The following NAGPA variants were observed in gnomAD, a reference collection of about 807,000 sequenced individuals.
NAGPA encodes alpha-N-acetylglucosaminyl phosphodiesterase.
Under a neutral mutation model 48.5 loss-of-function variants are expected in NAGPA, and 56 were observed. The ratio of observed to expected loss-of-function variants is 1.15; its 90% CI spans 0.93 to 1.44. The LOEUF (loss-of-function observed/expected upper bound fraction) is 1.44, where lower values mean the gene tolerates loss of function less well. Among genes scored for constraint, NAGPA ranks in the 40% most tolerant of loss-of-function variants. NAGPA has a pLI of 0.00. For synonymous variants in NAGPA, 399 were observed against 315.5 expected, an observed-to-expected ratio of 1.26 and a Z score of -2.81; for missense variants, 888 against 735.0, an observed-to-expected ratio of 1.21 and a Z score of -2.41.
Position 5,030,431 on chromosome 16 carries a change from C to T in NAGPA, c.745G>A (p.Gly249Arg). 1 of 1,554,100 alleles carries T rather than the reference C, an allele frequency of 6.4e-7. No homozygotes were observed. The change falls in exon 4 of 10, where the codon GGG (glycine) becomes AGG (arginine). Residue 249 changes from glycine (G) to arginine (R), a missense_variant. Gly to Arg is a moderately radical substitution (Grantham distance 125). Coordinates refer to ENST00000312251, the MANE Select transcript of NAGPA (RefSeq NM_016256.4). ...ARTAIGHDRKGQLVLFHADGQ... is the reference protein window; with the variant it reads ...ARTAIGHDRKRQLVLFHADGQ... The stretch of plus-strand genomic sequence containing the variant: ...TCTGCATGAAAGAGCACCAGCTGCC[C>T]TTTCCGGTCGTGGCCAATGGCCGTC...
In NAGPA at chr16:5,025,095, A is replaced by G; in HGVS notation, c.*383T>C. The G allele has an allele frequency of 3.7e-6, 1 of 269,388 alleles. No individual in the cohort carries two copies. The highest frequency in any genetic ancestry group is 7.3e-6 in the Non-Finnish European group (1 of 137,490). 16.7% of individuals were successfully genotyped at this position (269,388 alleles called of 1,614,324 possible). A position where few individuals can be genotyped will look rare whatever the true frequency, so the allele number is the denominator to read the frequency against. On this transcript the variant is annotated 3_prime_UTR_variant, in exon 10 of 10. Coordinates refer to ENST00000312251, the MANE Select transcript of NAGPA (RefSeq NM_016256.4). Reference sequence around the variant, plus strand: ...CTCGTCCCTTTAACCCACTCCAGCCAGGGGTGCTGGCCAGGATGTGCTGTT... The same window carrying G: ...CTCGTCCCTTTAACCCACTCCAGCCGGGGGTGCTGGCCAGGATGTGCTGTT...
At position 5,033,431 on chromosome 16, in the gene NAGPA, C is replaced by CCGCGCCGTCTCCTCCACGGTGG. The variant is rs1273964783; in HGVS notation, c.362_383dup (p.Ala129HisfsTer64). The CCGCGCCGTCTCCTCCACGGTGG allele has an allele frequency of 6.3e-7, 1 of 1,594,340 alleles. No homozygotes were observed. Among genetic ancestry groups the CCGCGCCGTCTCCTCCACGGTGG allele is most frequent in the Non-Finnish European group, 8.5e-7 (1 of 1,178,286 alleles). ...TCTGGGCGACACGGCAGTCGGCCGCCCGCGCCGTCTCCTCCACGGTGGCGC... is the reference window on the plus strand; with the variant it reads ...TCTGGGCGACACGGCAGTCGGCCGCCCGCGCCGTCTCCTCCACGGTGGCGCGCCGTCTCCTCCACGGTGGCGC... On this transcript the variant is annotated frameshift_variant, in exon 2 of 10. Transcript: ENST00000312251. LOFTEE classifies it high-confidence loss of function. The surrounding 1 kb of genome is among the most constrained non-coding windows in gnomAD (Gnocchi z 4.2).
intron 5 of NAGPA, 183 bp from the exon 6 acceptor site, chr16:5,028,368 G>T: frequency 8.4e-7 from 1 of 1,191,588 alleles, no homozygotes; most frequent in Non-Finnish European, 1.2e-6. Flanking sequence ...CTGAGCAGCT[G>T]TAACCGTAAG....
chr16:5,033,077 A>C lies in NAGPA; in HGVS notation c.542+196T>G. On this transcript the variant is annotated intron_variant, in intron 2 of 9. Coordinates refer to ENST00000312251, the MANE Select transcript of NAGPA (RefSeq NM_016256.4). This position sits in a 1 kb window ranked among gnomAD's most constrained non-coding sequence, Gnocchi z 4.2. The stretch of plus-strand genomic sequence containing the variant: ...CACGGCTATCTCACCGGGGCGCGGC[A>C]CATTGCCTGATACAAGCAAGTGCTC... The C allele has an allele frequency of 3.0e-6, 2 of 673,892 alleles. No homozygotes were observed. Among genetic ancestry groups the C allele is most frequent in the Non-Finnish European group, 5.1e-6 (2 of 396,036 alleles). 41.7% of individuals were successfully genotyped at this position (673,892 alleles called of 1,614,324 possible). A position where few individuals can be genotyped will look rare whatever the true frequency, so the allele number is the denominator to read the frequency against.
chr16:5,033,207 G>A lies in NAGPA; in HGVS notation c.542+66C>T. 1.3e-6 allele frequency: 2 copies of A among 1,521,874 alleles called. No homozygotes were observed. Among genetic ancestry groups the A allele is most frequent in the Non-Finnish European group, 1.8e-6 (2 of 1,133,632 alleles). The allele number at this position is 1,521,874 out of a possible 1,614,324, so 94.3% of individuals were successfully genotyped here. On this transcript the variant is annotated intron_variant, in intron 2 of 9. Transcript: ENST00000312251. The surrounding 1 kb of genome is among the most constrained non-coding windows in gnomAD (Gnocchi z 4.2). ...CTTGGTTAAGTGACTTGAACACGGAGGCACGGCTACAACCCAAATCTCAGG... is the reference window on the plus strand; with the variant it reads ...CTTGGTTAAGTGACTTGAACACGGAAGCACGGCTACAACCCAAATCTCAGG...
In NAGPA at chr16:5,029,025, C is replaced by A. The variant is rs372490407; in HGVS notation, c.792-17G>T. The A allele has an allele frequency of 6.2e-7, 1 of 1,611,970 alleles. No homozygotes were observed. Among genetic ancestry groups the A allele is most frequent in the Non-Finnish European group, 8.5e-7 (1 of 1,179,998 alleles). ...AGGTTGATGCTGCGGCACAAAGCGG[C>A]GCTGCTCAGGCTCAGCGCCCACCAT... On this transcript the variant is annotated splice_polypyrimidine_tract_variant and intron_variant, in intron 4 of 9. Coordinates refer to ENST00000312251, the MANE Select transcript of NAGPA (RefSeq NM_016256.4).
Position 5,028,124 on chromosome 16 carries a change from G to A in NAGPA, c.982C>T (p.Arg328Cys), listed in dbSNP as rs139526942. Residue 328 changes from arginine (R) to cysteine (C), a missense_variant, in exon 6 of 10, where the codon CGC (arginine) becomes TGC (cysteine). Arg to Cys is a radical substitution (Grantham distance 180). Coordinates refer to ENST00000312251, the MANE Select transcript of NAGPA (RefSeq NM_016256.4). ...CCGTGGCAGTCAGGCGGCTGGCAGC[G>A]GGGTTCGTGCACACACACCACGGTG... ...VSTVVCVHEP[R>C]CQPPDCHGHG... The A allele has an allele frequency of 5.4e-4, 863 of 1,603,088 alleles. 3 individuals are homozygous for A. Among genetic ancestry groups the A allele is most frequent in the Middle Eastern group, 3.1e-3 (19 of 6,046 alleles).
rs779983941 is a variant in NAGPA, at chr16:5,033,616, G to T, written c.199C>A (p.Pro67Thr). The T allele has an allele frequency of 7.3e-6, 11 of 1,513,984 alleles. No homozygotes were observed. The Admixed American group carries it at 1.1e-4, about 15-fold the overall frequency. The allele number at this position is 1,513,984 out of a possible 1,614,324, so 93.8% of individuals were successfully genotyped here. ...GNREHESWPP[P>T]PATPGAGGLA... is the part of the protein sequence containing the mutation. ...CCGCCGGCGCCGGGAGTCGCGGGAG[G>T]CGGAGGCCAACTCTCGTGCTCGCGG... Residue 67 changes from proline (P) to threonine (T), a missense_variant, in exon 2 of 10, where the codon CCT becomes ACT. By Grantham distance (38) the Pro-to-Thr change is conservative. Coordinates refer to ENST00000312251, the MANE Select transcript of NAGPA (RefSeq NM_016256.4). This position sits in a 1 kb window ranked among gnomAD's most constrained non-coding sequence, Gnocchi z 4.2.
chr16:5,028,802 A>G (rs1053363499), intron 5 of NAGPA, 78 bp downstream of exon 5: 118 of 1,608,350 alleles, frequency 7.3e-5, no homozygotes, highest in Admixed American at 1.8e-4. Context: ...CATAGCAGGC[A>G]CTCAATATTG....
Position 5,033,148 on chromosome 16 carries a change from T to C in NAGPA, c.542+125A>G. The C allele has an allele frequency of 8.9e-7, 1 of 1,125,670 alleles. No homozygotes were observed. Among genetic ancestry groups the C allele is most frequent in the Non-Finnish European group, 1.3e-6 (1 of 780,356 alleles). The allele number at this position is 1,125,670 out of a possible 1,614,324, so 69.7% of individuals were successfully genotyped here. On this transcript the variant is annotated intron_variant, in intron 2 of 9. Coordinates refer to ENST00000312251, the MANE Select transcript of NAGPA (RefSeq NM_016256.4). This position sits in a 1 kb window ranked among gnomAD's most constrained non-coding sequence, Gnocchi z 4.2. ...AAACTCTGCAAGGAAGCGATTCCTA[T>C]CCCCATTCTGCAGAGGAGGAAACAG... is the stretch of plus-strand genomic sequence containing the variant.
At chr16:5,032,289 A>G (rs1047262854) in intron 2 of NAGPA, among the ~76,000 whole-genome samples, 10 of 152,166 alleles carry the variant, frequency 6.6e-5, no homozygotes, top group Non-Finnish European at 1.5e-4. Flanking sequence ...CAGGATCAGA[A>G]CAAGCTTTAT....
At chr16:5,030,358 C>CG (rs369085257) in intron 4 of NAGPA, 27 bp downstream of exon 4, 11 of 1,545,538 alleles carry the variant, frequency 7.1e-6, no homozygotes, top group African/African-American at 1.4e-5. Context: ...GAGCCCCGGC[C>CG]GGGGGGCCTC....
In NAGPA at chr16:5,027,266, A is replaced by T. The variant is rs1567138242; in HGVS notation, c.1276+12T>A. The T allele has an allele frequency of 6.2e-7, 1 of 1,614,106 alleles. No individual in the cohort carries two copies. The highest frequency in any genetic ancestry group is 2.2e-5 in the East Asian group (1 of 44,868). ...CGTCTGCCCATACCCCTCCCCTTGG[A>T]GGGATAGGTACCTCTGGAGACGCTG... is the stretch of plus-strand genomic sequence containing the variant. On this transcript the variant is annotated intron_variant, in intron 8 of 9. Transcript: ENST00000312251.
In NAGPA at chr16:5,033,483, C is replaced by T; in HGVS notation, c.332G>A (p.Gly111Glu). The stretch of plus-strand genomic sequence containing the variant: ...TCGTCTCGCCGCGCAGCCGCCGGGT[C>T]CACCGGGCTCCAGCACCGAGAAGGT... ...LRTFSVLEPG[G>E]PGGCAARRRA... The change falls in exon 2 of 10, where the codon GGA becomes GAA. Residue 111 changes from glycine to glutamate, a missense_variant. Transcript: ENST00000312251. This position sits in a 1 kb window ranked among gnomAD's most constrained non-coding sequence, Gnocchi z 4.2. The T allele has an allele frequency of 1.3e-6, 2 of 1,568,586 alleles. No individual in the cohort carries two copies. Among genetic ancestry groups the T allele is most frequent in the Non-Finnish European group, 1.7e-6 (2 of 1,165,538 alleles).
At chr16:5,030,538 T>G in intron 3 of NAGPA, 45 bp from the exon 4 acceptor site, 1 of 1,467,092 alleles carries the variant, frequency 6.8e-7, no homozygotes, top group Non-Finnish European at 9.3e-7. Context: ...TTGGGAGGCC[T>G]CCTGCTTCTT....
intron 9 of NAGPA, among the ~76,000 whole-genome samples, chr16:5,026,807 G>A (rs555019203): frequency 1.3e-5 from 2 of 152,280 alleles, no homozygotes; most frequent in South Asian, 2.1e-4. Context: ...AGGCTGAGGC[G>A]GGAGGATCGC....
rs903695831 is a variant in NAGPA at position 5,025,303 on chromosome 16, C to T, written c.*175G>A. On this transcript the variant is annotated 3_prime_UTR_variant, in exon 10 of 10. Transcript: ENST00000312251. ...TGGTATTGCTAGGGTTGCAGGTGCCCTGGCAGGTGGCCAGGTGAGGGGCTG... is the reference window on the plus strand; with the variant it reads ...TGGTATTGCTAGGGTTGCAGGTGCCTTGGCAGGTGGCCAGGTGAGGGGCTG... 69 of 740,868 alleles carry T rather than the reference C, an allele frequency of 9.3e-5. No individual in the cohort carries two copies. The highest frequency in any genetic ancestry group is 1.4e-4 in the Non-Finnish European group (63 of 440,574). The allele number at this position is 740,868 out of a possible 1,614,324, so 45.9% of individuals were successfully genotyped here. A position where few individuals can be genotyped will look rare whatever the true frequency, so the allele number is the denominator to read the frequency against.
chr16:5,025,525 C>T lies in NAGPA; in HGVS notation c.1501G>A (p.Ala501Thr), dbSNP rs141568446. The change falls in exon 10 of 10, where the codon GCA becomes ACA. Residue 501 changes from alanine (A) to threonine (T), a missense_variant. Coordinates refer to ENST00000312251, the MANE Select transcript of NAGPA (RefSeq NM_016256.4). The stretch of plus-strand genomic sequence containing the variant: ...GCGCCCCCTGGCTGCTCCTTCTCTG[C>T]GGCCAGAGGCTCCCCGTTCATCTCC... ...LQEMNGEPLAAEKEQPGGAHN... is the reference protein window; with the variant it reads ...LQEMNGEPLATEKEQPGGAHN... 3.1e-4 allele frequency: 505 copies of T among 1,613,036 alleles called. 3 individuals carry two copies. In the African/African-American group the frequency reaches 5.5e-3, roughly 18 times the overall value.
chr16:5,030,069 T>G, intron 4 of NAGPA: 1 of 495,128 alleles, frequency 2.0e-6, no homozygotes, highest in Non-Finnish European at 3.7e-6. Flanking sequence ...ACGGCATAGG[T>G]GGGTAGACAA....
Sources: allele counts gnomAD v4.1 joint callset (sites outside exome capture counted in the v4.1 genomes callset), GRCh38; gene constraint gnomAD v4.1.1; non-coding constraint Gnocchi (gnomAD v3.1); transcripts MANE v1.5; gene names NCBI Gene and HGNC (gene_info 2026-07-23, HGNC 2026-07-21).